Variants in SKIC2 observed in about 807,000 individuals in gnomAD.
The protein encoded by SKIC2 is SKI2 subunit of superkiller complex, also known as superkiller complex protein 2.
chr6:31,961,690 T>A, the SKIC2 span: 1 of 1,609,678 alleles, frequency 6.2e-7, no homozygotes, highest in East Asian at 2.2e-5. Context: ...TTTGGCCCCA[T>A]CTTCACACGC....
the SKIC2 span, chr6:31,961,541 T>C: frequency 6.3e-7 from 1 of 1,593,256 alleles, no homozygotes; most frequent in Middle Eastern, 1.7e-4. Context: ...CCCCTGACTC[T>C]TCCAGGAAGC....
the SKIC2 span, chr6:31,967,360 T>C: frequency 5.3e-5 from 86 of 1,611,776 alleles, no homozygotes; most frequent in Non-Finnish European, 7.0e-5. This position sits in a 1 kb window ranked among gnomAD's most constrained non-coding sequence, Gnocchi z 4.9. Context: ...TCACAACGCA[T>C]TGGGAGTGAT....
At chr6:31,961,947 C>T in the SKIC2 span, 1 of 1,613,050 alleles carries the variant, frequency 6.2e-7, no homozygotes, top group East Asian at 2.2e-5. Context: ...AACAGGCCAT[C>T]CTGCACTTGG....
At chr6:31,967,657 C>T in the SKIC2 span, 2 of 1,590,686 alleles carry the variant, frequency 1.3e-6, no homozygotes, top group African/African-American at 2.7e-5. This position sits in a 1 kb window ranked among gnomAD's most constrained non-coding sequence, Gnocchi z 4.9. Context: ...TATCTGGTCT[C>T]TGCCTTTGAT....
chr6:31,963,777 C>T, the SKIC2 span: 3 of 1,523,342 alleles, frequency 2.0e-6, no homozygotes, highest in East Asian at 2.3e-5. The surrounding 1 kb of genome is among the most constrained non-coding windows in gnomAD (Gnocchi z 5.3). Context: ...CCTGTTTTTC[C>T]TCCTATCTTT....
At chr6:31,966,338 TCAAG>T in the SKIC2 span, among the ~76,000 whole-genome samples, 2 of 151,962 alleles carry the variant, frequency 1.3e-5, no homozygotes, top group Non-Finnish European at 2.9e-5. The surrounding 1 kb of genome is among the most constrained non-coding windows in gnomAD (Gnocchi z 5.9). Flanking sequence ...ACTTCTGGGC[TCAAG>T]CAGTCTGTCT....
chr6:31,962,782 A>G, the SKIC2 span: 1 of 1,611,120 alleles, frequency 6.2e-7, no homozygotes, highest in Non-Finnish European at 8.5e-7. This position sits in a 1 kb window ranked among gnomAD's most constrained non-coding sequence, Gnocchi z 5.0. Context: ...GAGGTTCACT[A>G]TATCAACGAT....
chr6:31,960,772 G>A, the SKIC2 span: 1 of 1,483,482 alleles, frequency 6.7e-7, no homozygotes, highest in Non-Finnish European at 9.1e-7. Context: ...GAGCCTTGAG[G>A]AGGAAGAGCC....
the SKIC2 span, chr6:31,965,743 T>C: frequency 2.3e-6 from 3 of 1,294,314 alleles, no homozygotes; most frequent in Non-Finnish European, 3.4e-6. The surrounding 1 kb of genome is among the most constrained non-coding windows in gnomAD (Gnocchi z 5.6). Flanking sequence ...TGTGTGTATG[T>C]AGAGCCTTTG....
chr6:31,967,576 G>C, the SKIC2 span: 1 of 967,948 alleles, frequency 1.0e-6, no homozygotes, highest in African/African-American at 1.6e-5. This position sits in a 1 kb window ranked among gnomAD's most constrained non-coding sequence, Gnocchi z 4.9. Context: ...TGCTCTGATC[G>C]CTTGACTTGG....
At chr6:31,963,470 G>GAAAA in the SKIC2 span, 1 of 1,612,046 alleles carries the variant, frequency 6.2e-7, no homozygotes, top group Non-Finnish European at 8.5e-7. The surrounding 1 kb of genome is among the most constrained non-coding windows in gnomAD (Gnocchi z 5.3). Context: ...CCGTGCCCCT[G>GAAAA]GAGCACTATC....
At chr6:31,962,825 C>T in the SKIC2 span, 146 of 1,528,534 alleles carry the variant, frequency 9.6e-5, no homozygotes, top group South Asian at 1.2e-4. This position sits in a 1 kb window ranked among gnomAD's most constrained non-coding sequence, Gnocchi z 5.0. Flanking sequence ...CCCCAGAACC[C>T]GGCAGTCCTC....
the SKIC2 span, chr6:31,961,455 T>C: frequency 6.5e-7 from 1 of 1,532,896 alleles, no homozygotes; most frequent in South Asian, 1.3e-5. Flanking sequence ...CTAGGATGGG[T>C]CTGAGGGGAA....
the SKIC2 span, chr6:31,964,493 T>A: frequency 4.3e-4 from 273 of 642,166 alleles, no homozygotes; most frequent in Non-Finnish European, 6.5e-4. This position sits in a 1 kb window ranked among gnomAD's most constrained non-coding sequence, Gnocchi z 5.0. Flanking sequence ...GAATCCCAGG[T>A]ACACCATGTA....
chr6:31,969,101 C>T, the SKIC2 span: 3 of 1,604,966 alleles, frequency 1.9e-6, no homozygotes, highest in Non-Finnish European at 2.6e-6. The surrounding 1 kb of genome is among the most constrained non-coding windows in gnomAD (Gnocchi z 6.1). Context: ...TAGGGGACAC[C>T]ACCCCTTTCT....
the SKIC2 span, chr6:31,961,577 G>A: frequency 6.2e-7 from 1 of 1,612,554 alleles, no homozygotes; most frequent in Non-Finnish European, 8.5e-7. Context: ...CACCCCAGAG[G>A]CCCCAGAGCC....
chr6:31,963,827 G>A, the SKIC2 span: 4 of 1,474,424 alleles, frequency 2.7e-6, no homozygotes, highest in Non-Finnish European at 3.7e-6. This position sits in a 1 kb window ranked among gnomAD's most constrained non-coding sequence, Gnocchi z 5.3. Context: ...CTTGAGCTTT[G>A]AGCACTGCCC....
the SKIC2 span, chr6:31,967,633 T>C: frequency 2.0e-6 from 3 of 1,503,062 alleles, no homozygotes; most frequent in African/African-American, 2.7e-5. This position sits in a 1 kb window ranked among gnomAD's most constrained non-coding sequence, Gnocchi z 4.9. Flanking sequence ...TCCTGATTCC[T>C]GCCCAAGGGT....
the SKIC2 span, chr6:31,961,944 C>T: frequency 1.7e-5 from 28 of 1,613,056 alleles, no homozygotes; most frequent in Middle Eastern, 1.7e-4. Flanking sequence ...AGAAACAGGC[C>T]ATCCTGCACT....
Sources: gnomAD v4.1 joint callset for allele counts (sites outside exome capture counted in the v4.1 genomes callset) on GRCh38, gnomAD v4.1.1 for gene constraint, Gnocchi (gnomAD v3.1) non-coding constraint, MANE v1.5 for transcripts, NCBI Gene and HGNC (gene_info 2026-07-23, HGNC 2026-07-21) for gene names.